The following POLK variants were observed in gnomAD, a reference collection of about 807,000 sequenced individuals.
The protein encoded by POLK is DNA polymerase kappa, also known as polymerase (DNA directed) kappa.
POLK carries 76 observed loss-of-function variants against 94.0 expected under a neutral mutation model. The ratio of observed to expected loss-of-function variants is 0.81; its 90% CI spans 0.67 to 0.98. POLK has a LOEUF of 0.98. Ranked by LOEUF, POLK falls within the 50% of genes least tolerant of loss-of-function variation. The pLI, the probability that POLK is intolerant of heterozygous loss-of-function variation, is 0.00. For synonymous variants in POLK, 349 were observed against 325.4 expected (o/e 1.07, Z -0.78); for missense variants, 954 against 1,010.1 (o/e 0.94, Z 0.75).
At chr5:75,598,026 A>G in exon 15 of POLK, 1 of 1,010,994 alleles carries the variant, frequency 9.9e-7, no homozygotes, top group South Asian at 1.6e-5. Context: ...TAAACATTGA[A>G]CATTTTATCA....
intron 12 of POLK, among the ~76,000 whole-genome samples, chr5:75,594,900 A>G (rs940104321): frequency 2.6e-5 from 4 of 152,238 alleles, no homozygotes; most frequent in Non-Finnish European, 4.4e-5. Context: ...GTCACTAGCC[A>G]TAATTTTATT....
At chr5:75,554,653 C>G (rs1340176147) in intron 3 of POLK, among the ~76,000 whole-genome samples, 1 of 152,110 alleles carries the variant, frequency 6.6e-6, no homozygotes, top group Non-Finnish European at 1.5e-5. Flanking sequence ...CCTCTCCCTC[C>G]TCCCATCCTC....
chr5:75,545,014 C>T (rs968193763), intron 1 of POLK, among the ~76,000 whole-genome samples: 10 of 152,182 alleles, frequency 6.6e-5, no homozygotes, highest in African/African-American at 1.9e-4. Context: ...TAAAATACTC[C>T]TATCTGGCTT....
chr5:75,535,228 G>C (rs1769383094), intron 1 of POLK, among the ~76,000 whole-genome samples: 1 of 152,120 alleles, frequency 6.6e-6, no homozygotes, highest in South Asian at 2.1e-4. Context: ...TGGTTTGGCT[G>C]GATATGGAAT....
chr5:75,511,772 G>A (rs1246004359), exon 1 of POLK: 10 of 1,551,346 alleles, frequency 6.4e-6, no homozygotes, highest in Non-Finnish European at 8.7e-6. Context: ...CGGCTCTCCC[G>A]GGTGACGACG....
chr5:75,525,718 A>G (rs1400253800), intron 1 of POLK, among the ~76,000 whole-genome samples: 1 of 152,250 alleles, frequency 6.6e-6, no homozygotes, highest in Non-Finnish European at 1.5e-5. Flanking sequence ...AATGGAGTCT[A>G]GAAAACAATG....
intron 1 of POLK, among the ~76,000 whole-genome samples, chr5:75,541,043 G>C (rs933708684): frequency 6.6e-6 from 1 of 152,106 alleles, no homozygotes; most frequent in Admixed American, 6.5e-5. Context: ...CAGCACTTTA[G>C]GAGACAGAGG....
At chr5:75,550,970 C>T (rs893870363) in intron 2 of POLK, among the ~76,000 whole-genome samples, 2 of 152,078 alleles carry the variant, frequency 1.3e-5, no homozygotes, top group African/African-American at 4.8e-5. Flanking sequence ...ACCTGTAATC[C>T]CAGCACTTTG....
chr5:75,511,908 G>A (rs1450055814), exon 1 of POLK: 1 of 1,327,552 alleles, frequency 7.5e-7, no homozygotes, highest in African/African-American at 1.5e-5. Flanking sequence ...CGATCCTGAG[G>A]TAACGGGTGA....
chr5:75,512,343 A>G (rs1338284141), intron 1 of POLK: 2 of 152,296 alleles, frequency 1.3e-5, no homozygotes, highest in African/African-American at 4.8e-5. Context: ...TTTGCTTTGT[A>G]GAAAGTAATT....
intron 3 of POLK, among the ~76,000 whole-genome samples, chr5:75,556,534 A>G (rs1016131375): frequency 6.6e-6 from 1 of 152,138 alleles, no homozygotes; most frequent in African/African-American, 2.4e-5. Flanking sequence ...TAGTTTATCA[A>G]TTCTTTCTTT....
At chr5:75,605,960 T>C (rs1773415099), downstream of POLK, among the ~76,000 whole-genome samples, 1 of 138,824 alleles carries the variant, frequency 7.2e-6, no homozygotes, top group Non-Finnish European at 1.5e-5. Context: ...GAACCAGCGT[T>C]CAGCATATGG....
In POLK at chr5:75,519,857, C is replaced by T. The variant is rs140170144; in HGVS notation, c.-14+7943C>T. ...CTACTCTGTGTCTTCTAATTGGAGA[C>T]TTGAGTTCATTTACATTCAGTGTTA... On this transcript the variant is annotated intron_variant, in intron 1 of 14. Transcript: ENST00000241436. Among the ~76,000 whole-genome samples, 317 of 152,186 alleles carry T rather than the reference C, an allele frequency of 2.1e-3. 1 individual carries two copies. In the East Asian group the frequency reaches 0.027, roughly 13 times the overall value.
chr5:75,538,545 A>G (rs1197955737), intron 1 of POLK: 1 of 152,206 alleles, frequency 6.6e-6, no homozygotes, highest in African/African-American at 2.4e-5. Flanking sequence ...AAGTTATAGT[A>G]TCTCAGAGGA....
chr5:75,596,421 A>G (rs747683584), exon 13 of POLK: 4 of 1,613,940 alleles, frequency 2.5e-6, no homozygotes, highest in Non-Finnish European at 3.4e-6. Flanking sequence ...CAGAAAGGAA[A>G]TGGAGTCACC....
rs1307165310 is a variant in POLK, at chr5:75,511,872, G to A, written c.-56G>A. 7 of 1,514,290 alleles carry A rather than the reference G, an allele frequency of 4.6e-6. No homozygotes were observed. The African/African-American group carries it at 6.9e-5, about 15-fold the overall frequency. The allele number at this position is 1,514,290 out of a possible 1,614,324, so 93.8% of individuals were successfully genotyped here. Reference sequence around the variant, plus strand: ...TGGGAAGGGCGTTGGTCCGTCGCTCGCGCAGCCTCCTGGGAGTTGTAGTCG... The same window carrying A: ...TGGGAAGGGCGTTGGTCCGTCGCTCACGCAGCCTCCTGGGAGTTGTAGTCG... On this transcript the variant is annotated 5_prime_UTR_variant, in exon 1 of 15. Transcript: ENST00000241436.
intron 1 of POLK, among the ~76,000 whole-genome samples, chr5:75,518,053 C>T (rs752134194): frequency 3.3e-5 from 5 of 152,084 alleles, no homozygotes; most frequent in Non-Finnish European, 7.4e-5. Flanking sequence ...ATTTTTGCAT[C>T]TGTATTCATC....
intron 10 of POLK, among the ~76,000 whole-genome samples, chr5:75,589,440 T>TACAC (rs1772651919): frequency 1.3e-4 from 8 of 63,682 alleles, no homozygotes; most frequent in South Asian, 4.7e-4. Context: ...CACACACACG[T>TACAC]GGAATATTTC....
intron 3 of POLK, among the ~76,000 whole-genome samples, chr5:75,557,375 G>T (rs1770689068): frequency 6.6e-6 from 1 of 152,164 alleles, no homozygotes; most frequent in South Asian, 2.1e-4. Context: ...ATAGCTTGCT[G>T]GGATTTTGAC....
Sources: gnomAD v4.1 joint callset for allele counts (sites outside exome capture counted in the v4.1 genomes callset) on GRCh38, gnomAD v4.1.1 for gene constraint, MANE v1.5 for transcripts, NCBI Gene and HGNC (gene_info 2026-07-23, HGNC 2026-07-21) for gene names.